Variants in TACC2 observed in about 807,000 individuals in gnomAD.
TACC2 encodes the protein transforming acidic coiled-coil containing protein 2, also known as transforming acidic coiled-coil-containing protein 2.
In TACC2, 137 loss-of-function variants were observed where a neutral mutation model predicts 227.3. That is an observed-to-expected ratio of 0.60 (90% CI 0.52 to 0.69). The LOEUF is 0.69. TACC2 is among the 30% of genes least tolerant of loss of function. The pLI is 0.00. For missense variants in TACC2, 3,470 were observed against 3,694.4 expected (o/e 0.94, Z 1.57); for synonymous variants, 1,523 against 1,487.5 (o/e 1.02, Z -0.55).
chr10:122,200,982 ACGGCCACC>A (rs2094805139), intron 8 of TACC2, among the ~76,000 whole-genome samples: 1 of 130,800 alleles, frequency 7.6e-6, no homozygotes, highest in Non-Finnish European at 1.7e-5. Flanking sequence ...CAGTGAGAGG[ACGGCCACC>A]TCACCCGCCC....
At chr10:122,138,624 A>G (rs1033239853) in intron 6 of TACC2, among the ~76,000 whole-genome samples, 3 of 152,338 alleles carry the variant, frequency 2.0e-5, no homozygotes, top group Admixed American at 2.0e-4. Context: ...TTGTACCTTT[A>G]GAAGGTACTT....
At chr10:122,137,816 C>T (rs2089951335) in intron 6 of TACC2, among the ~76,000 whole-genome samples, 1 of 152,166 alleles carries the variant, frequency 6.6e-6, no homozygotes, top group Non-Finnish European at 1.5e-5. Flanking sequence ...GCAGTGTTGT[C>T]CAGGCGCTTG....
intron 1 of TACC2, among the ~76,000 whole-genome samples, chr10:121,996,250 C>T (rs930780017): frequency 2.6e-5 from 4 of 152,084 alleles, no homozygotes; most frequent in African/African-American, 9.7e-5. Context: ...GAGACCGGGT[C>T]TTGCTGTGTT....
At chr10:122,027,251 T>G (rs1565102276) in intron 2 of TACC2, among the ~76,000 whole-genome samples, 1 of 152,216 alleles carries the variant, frequency 6.6e-6, no homozygotes, top group South Asian at 2.1e-4. Flanking sequence ...CATCTGTATA[T>G]CTCATTTGGT....
chr10:122,236,804 C>T (rs186078086), intron 16 of TACC2, among the ~76,000 whole-genome samples: 4 of 152,346 alleles, frequency 2.6e-5, no homozygotes, highest in Admixed American at 2.6e-4. Context: ...TCTAACATAA[C>T]TCCAACATAA....
intron 5 of TACC2, among the ~76,000 whole-genome samples, chr10:122,127,855 A>G (rs2087184395): frequency 1.3e-5 from 2 of 152,228 alleles, no homozygotes; most frequent in African/African-American, 4.8e-5. Flanking sequence ...TAGCAGTTTC[A>G]TATGGTTGAG....
At chr10:122,072,530 G>A (rs1335810526) in intron 3 of TACC2, among the ~76,000 whole-genome samples, 1 of 152,180 alleles carries the variant, frequency 6.6e-6, no homozygotes, top group African/African-American at 2.4e-5. Flanking sequence ...TTCTGAGGAG[G>A]TGTCTTTCTC....
At chr10:122,059,194 G>C (rs1273245339) in intron 3 of TACC2, among the ~76,000 whole-genome samples, 4 of 151,950 alleles carry the variant, frequency 2.6e-5, no homozygotes, top group Admixed American at 2.6e-4. Context: ...GGGATTATAG[G>C]CGTGAGCCAC....
intron 5 of TACC2, among the ~76,000 whole-genome samples, chr10:122,090,395 A>G (rs1047557913): frequency 8.6e-5 from 13 of 151,508 alleles, no homozygotes; most frequent in Non-Finnish European, 1.6e-4. Context: ...AAAATACAAA[A>G]AATTAGCTGG....
rs1037856053 is a variant in TACC2 at position 122,205,208 on chromosome 10, C to T, written c.5972-5189C>T. 2.0e-5 allele frequency among the ~76,000 whole-genome samples: 3 copies of T among 152,184 alleles called. No individual in the cohort carries two copies. Among genetic ancestry groups the T allele is most frequent in the Admixed American group, 6.5e-5 (1 of 15,288 alleles). ...AAGTTTGAGAGCAGACATACGAGAGCAAGATAGACCTCAGGAAGCAGAGGA... is the reference window on the plus strand; with the variant it reads ...AAGTTTGAGAGCAGACATACGAGAGTAAGATAGACCTCAGGAAGCAGAGGA... On this transcript the variant is annotated intron_variant, in intron 8 of 22. Coordinates refer to ENST00000369005, the MANE Select transcript of TACC2 (RefSeq NM_206862.4). The surrounding 1 kb of genome is among the most constrained non-coding windows in gnomAD (Gnocchi z 4.5).
intron 3 of TACC2, among the ~76,000 whole-genome samples, chr10:122,079,794 G>A (rs1041849827): frequency 2.6e-5 from 4 of 152,238 alleles, no homozygotes; most frequent in African/African-American, 9.6e-5. Flanking sequence ...GTTCTCCAGG[G>A]TTCTCATCTG....
Position 122,210,893 on chromosome 10 carries a change from G to C in TACC2, c.6468G>C (p.Glu2156Asp), listed in dbSNP as rs1332128588. ...CCCCAGTGAAGGAGACGCAACAGGA[G>C]CCAGATGAAGAGAGCCTTGTCCCCA... ...ETPPVKETQQEPDEESLVPSG... is the reference protein window; with the variant it reads ...ETPPVKETQQDPDEESLVPSG... Residue 2156 changes from glutamate to aspartate, a missense_variant, in exon 9 of 23, where the codon GAG (glutamate) becomes GAC (aspartate). Transcript: ENST00000369005. This position sits in a 1 kb window ranked among gnomAD's most constrained non-coding sequence, Gnocchi z 4.6. 6.2e-7 allele frequency: 1 copy of C among 1,613,568 alleles called. No individual in the cohort carries two copies. Among genetic ancestry groups the C allele is most frequent in the Non-Finnish European group, 8.5e-7 (1 of 1,179,942 alleles).
chr10:122,230,498 T>C, intron 16 of TACC2, 58 bp downstream of exon 16: 1 of 1,505,902 alleles, frequency 6.6e-7, no homozygotes. Context: ...GCCGCTGGGG[T>C]CCAGAAGCTG....
intron 16 of TACC2, among the ~76,000 whole-genome samples, chr10:122,235,404 T>C (rs113933922): frequency 6.6e-6 from 1 of 151,994 alleles, no homozygotes; most frequent in African/African-American, 2.4e-5. Context: ...TTTTTTTTAT[T>C]AAAAATTTTT....
At chr10:122,203,869 T>C (rs1321765153) in intron 8 of TACC2, among the ~76,000 whole-genome samples, 4 of 151,902 alleles carry the variant, frequency 2.6e-5, no homozygotes, top group Non-Finnish European at 4.4e-5. Flanking sequence ...CTTGGCACCA[T>C]TGAGCACTGA....
At chr10:122,017,645 G>A (rs1385841933) in intron 1 of TACC2, among the ~76,000 whole-genome samples, 2 of 151,824 alleles carry the variant, frequency 1.3e-5, no homozygotes, top group African/African-American at 2.4e-5. Flanking sequence ...GGCAAAACCC[G>A]GTCTCTGCTT....
chr10:122,137,983 G>A (rs931703371), intron 6 of TACC2, among the ~76,000 whole-genome samples: 1 of 152,194 alleles, frequency 6.6e-6, no homozygotes, highest in African/African-American at 2.4e-5. Context: ...CCTCACCAGC[G>A]AGTTTCCAGA....
rs768487816 is a variant in TACC2, at chr10:122,083,208, T to G, written c.708T>G (p.Pro236=). 1.9e-6 allele frequency: 3 copies of G among 1,613,446 alleles called. No homozygotes were observed. Among genetic ancestry groups the G allele is most frequent in the Non-Finnish European group, 1.7e-6 (2 of 1,179,974 alleles). ...AAGAGGCTGCAGGTGGCTTTCCCCC[T>G]GCAGAGTCCAGGCAGGGGGTGGCTT... is the stretch of plus-strand genomic sequence containing the variant. ...QEKEAAGGFP[P]AESRQGVASV... Residue 236 remains proline, a synonymous_variant, in exon 4 of 23, where the codon CCT becomes CCG. Coordinates refer to ENST00000369005, the MANE Select transcript of TACC2 (RefSeq NM_206862.4).
chr10:122,087,898 C>T lies in TACC2; in HGVS notation c.5398C>T (p.Pro1800Ser), dbSNP rs1298596702. 1 of 1,513,758 alleles carries T rather than the reference C, an allele frequency of 6.6e-7. No homozygotes were observed. Among genetic ancestry groups the T allele is most frequent in the African/African-American group, 1.4e-5 (1 of 71,718 alleles). 93.8% of individuals were successfully genotyped at this position (1,513,758 alleles called of 1,614,324 possible). A position where few individuals can be genotyped will look rare whatever the true frequency, so the allele number is the denominator to read the frequency against. ...GKVCVSSPPE[P>S]DETHDPKLQH... ...GGTGTGCGTCTCCTCACCTCCAGAGCCTGACGAAACTCACGACCCGAAGCT... is the reference window on the plus strand; with the variant it reads ...GGTGTGCGTCTCCTCACCTCCAGAGTCTGACGAAACTCACGACCCGAAGCT... The change falls in exon 4 of 23, where the codon CCT becomes TCT. Residue 1800 changes from proline to serine, a missense_variant. By Grantham distance (74) the Pro-to-Ser change is moderately conservative. Transcript: ENST00000369005.
Sources: allele counts gnomAD v4.1 joint callset (sites outside exome capture counted in the v4.1 genomes callset), GRCh38; gene constraint gnomAD v4.1.1; non-coding constraint Gnocchi (gnomAD v3.1); transcripts MANE v1.5; gene names NCBI Gene and HGNC (gene_info 2026-07-23, HGNC 2026-07-21).